The following DGKI variants were observed in gnomAD, a reference collection of about 807,000 sequenced individuals.
The protein encoded by DGKI is diacylglycerol kinase iota, also known as DAG kinase iota.
A neutral mutation model predicts 147.5 loss-of-function variants in DGKI; 55 were observed. The observed-to-expected ratio is 0.37, with a 90% confidence interval of 0.30 to 0.47. The LOEUF is 0.47. DGKI is among the 20% of genes least tolerant of loss of function. The pLI is 1.00. For synonymous variants in DGKI, 469 were observed against 477.1 expected (o/e 0.98, Z 0.22); for missense variants, 1,007 against 1,323.8 (o/e 0.76, Z 3.71).
intron 32 of DGKI, among the ~76,000 whole-genome samples, chr7:137,395,074 T>C (rs570427933): frequency 2.0e-5 from 3 of 152,294 alleles, no homozygotes; most frequent in African/African-American, 4.8e-5. Context: ...TTTTTAAAAA[T>C]GAAGAACTAC....
In DGKI at chr7:137,435,515, C is replaced by T. The variant is rs999011647; in HGVS notation, c.2761+8562G>A. On this transcript the variant is annotated intron_variant, in intron 28 of 32. Transcript: ENST00000614521. The stretch of plus-strand genomic sequence containing the variant: ...AAGGCGAGGTCTAGAGAGGGTCCCG[C>T]AAGCAGAGTAGAAGTAACTCTCTAA... Among the ~76,000 whole-genome samples, 63 of 151,940 alleles carry T rather than the reference C, an allele frequency of 4.1e-4. 3 individuals carry two copies. Among genetic ancestry groups the T allele is most frequent in the Admixed American group, 1.6e-3 (24 of 15,236 alleles).
At chr7:137,758,952 T>C (rs2116795024) in intron 1 of DGKI, among the ~76,000 whole-genome samples, 1 of 152,332 alleles carries the variant, frequency 6.6e-6, no homozygotes, top group Non-Finnish European at 1.5e-5. Context: ...ATGTATATTC[T>C]TCTTAAATTT....
intron 19 of DGKI, among the ~76,000 whole-genome samples, chr7:137,568,320 C>T (rs1818662499): frequency 1.3e-5 from 2 of 152,186 alleles, no homozygotes; most frequent in Non-Finnish European, 2.9e-5. Context: ...CATTCTTCTT[C>T]TCCTGGTAAA....
intron 28 of DGKI, among the ~76,000 whole-genome samples, chr7:137,426,648 GA>G (rs150448792): frequency 0.52 from 79,095 of 151,826 alleles, 22,017 homozygotes; most frequent in Non-Finnish European, 0.63. Flanking sequence ...CTGTATTCAG[GA>G]AACCCATCTC....
rs1333181375 is a variant in DGKI at position 137,638,608 on chromosome 7, A to ATGTGTATATATGTG, written c.804+6863_804+6864insCACATATATACACA. On this transcript the variant is annotated intron_variant, in intron 6 of 32. Coordinates refer to ENST00000614521, the MANE Select transcript of DGKI (RefSeq NM_001321708.2). ...TACACATATATACATATATGTATATATATACACACACACATATATATGTGT... is the reference window on the plus strand; with the variant it reads ...TACACATATATACATATATGTATATATGTGTATATATGTGTATACACACACACATATATATGTGT... Among the ~76,000 whole-genome samples, 6 of 1,384 alleles carry ATGTGTATATATGTG rather than the reference A, an allele frequency of 4.3e-3. 2 individuals carry two copies. Among genetic ancestry groups the ATGTGTATATATGTG allele is most frequent in the African/African-American group, 6.0e-3 (6 of 998 alleles). 0.9% of individuals were successfully genotyped at this position (1,384 alleles called of 152,430 possible).
At chr7:137,443,258 T>C (rs1813580713) in intron 28 of DGKI, among the ~76,000 whole-genome samples, 1 of 152,190 alleles carries the variant, frequency 6.6e-6, no homozygotes, top group Non-Finnish European at 1.5e-5. Context: ...GATTTCATTC[T>C]AGAGGCCATC....
intron 28 of DGKI, among the ~76,000 whole-genome samples, chr7:137,418,964 C>T (rs185162189): frequency 1.7e-4 from 26 of 152,314 alleles, no homozygotes; most frequent in Admixed American, 1.2e-3. Context: ...TGGTCTTAGT[C>T]TAACCTTTCA....
At chr7:137,517,587 C>T (rs547175241) in intron 21 of DGKI, among the ~76,000 whole-genome samples, 35 of 152,134 alleles carry the variant, frequency 2.3e-4, no homozygotes, top group African/African-American at 8.2e-4. Flanking sequence ...TTGACAAACG[C>T]ACCATGGTAA....
rs147294845 is a variant in DGKI at position 137,545,576 on chromosome 7, G to A, written c.2147+6793C>T. On this transcript the variant is annotated intron_variant, in intron 20 of 32. Coordinates refer to ENST00000614521, the MANE Select transcript of DGKI (RefSeq NM_001321708.2). ...ACTTCCTCGAGCTTATCTCTGAGCCGTAAGTAATGACATAGTCTAACGGTA... is the reference window on the plus strand; with the variant it reads ...ACTTCCTCGAGCTTATCTCTGAGCCATAAGTAATGACATAGTCTAACGGTA... Among the ~76,000 whole-genome samples the A allele has an allele frequency of 8.7e-4, 132 of 152,248 alleles. 1 individual carries two copies. The highest frequency in any genetic ancestry group is 7.9e-3 in the East Asian group (41 of 5,166).
chr7:137,471,410 C>T (rs921800695), intron 23 of DGKI, among the ~76,000 whole-genome samples: 9 of 152,060 alleles, frequency 5.9e-5, no homozygotes, highest in Admixed American at 5.9e-4. Context: ...TAATAAGGAC[C>T]CAATCAGAGG....
At chr7:137,615,871 C>T (rs1820514203) in intron 8 of DGKI, among the ~76,000 whole-genome samples, 1 of 152,032 alleles carries the variant, frequency 6.6e-6, no homozygotes, top group Admixed American at 6.6e-5. Flanking sequence ...CGGTATTACA[C>T]AAATTAGTTA....
chr7:137,502,184 G>A (rs1816197955), intron 21 of DGKI, among the ~76,000 whole-genome samples: 1 of 152,108 alleles, frequency 6.6e-6, no homozygotes, highest in Non-Finnish European at 1.5e-5. Context: ...ACTAATACAG[G>A]GCCTAAGCCT....
intron 1 of DGKI, chr7:137,722,689 A>ATGACAC (rs1794603351): frequency 6.3e-7 from 1 of 1,575,824 alleles, no homozygotes; most frequent in Non-Finnish European, 8.7e-7. Flanking sequence ...GATCTTCGAC[A>ATGACAC]CAGAAAAAGA....
chr7:137,701,069 T>C (rs2116511152), intron 1 of DGKI, among the ~76,000 whole-genome samples: 1 of 152,206 alleles, frequency 6.6e-6, no homozygotes, highest in South Asian at 2.1e-4. Flanking sequence ...CAGATATACT[T>C]GTTCTTTTAA....
intron 23 of DGKI, among the ~76,000 whole-genome samples, chr7:137,471,645 G>T (rs921590555): frequency 6.6e-6 from 1 of 152,004 alleles, no homozygotes; most frequent in Non-Finnish European, 1.5e-5. Flanking sequence ...GTATGTGAAA[G>T]AACCTAAAGT....
chr7:137,510,049 T>G (rs1816526909), intron 21 of DGKI, among the ~76,000 whole-genome samples: 1 of 152,186 alleles, frequency 6.6e-6, no homozygotes, highest in Admixed American at 6.5e-5. Flanking sequence ...CGTAATGGCC[T>G]TTTTCCTACT....
chr7:137,690,814 C>T (rs569218519), intron 1 of DGKI, among the ~76,000 whole-genome samples: 27 of 151,646 alleles, frequency 1.8e-4, no homozygotes, highest in South Asian at 1.3e-3. Context: ...AAGGGAAGAA[C>T]GGTTAGAGCA....
chr7:137,437,976 T>C (rs1813345010), intron 28 of DGKI, among the ~76,000 whole-genome samples: 1 of 152,052 alleles, frequency 6.6e-6, no homozygotes, highest in South Asian at 2.1e-4. Context: ...AAGAAAGCAT[T>C]CTAAAAATTT....
At chr7:137,496,767 C>T (rs561642891) in intron 21 of DGKI, among the ~76,000 whole-genome samples, 1 of 151,972 alleles carries the variant, frequency 6.6e-6, no homozygotes, top group African/African-American at 2.4e-5. Context: ...TGAAACTGAC[C>T]CCTCCCTTAT....
Sources: allele counts gnomAD v4.1 joint callset (sites outside exome capture counted in the v4.1 genomes callset), GRCh38; gene constraint gnomAD v4.1.1; transcripts MANE v1.5; gene names NCBI Gene and HGNC (gene_info 2026-07-23, HGNC 2026-07-21).